Variants in HNRNPC observed in about 807,000 individuals in gnomAD.
HNRNPC encodes the protein heterogeneous nuclear ribonucleoprotein C, also known as heterogeneous nuclear ribonucleoproteins C1/C2.
Under a neutral mutation model 33.2 loss-of-function variants are expected in HNRNPC, and 3 were observed. The observed-to-expected ratio is 0.09, with a 90% CI of 0.04 to 0.23. The LOEUF (loss-of-function observed/expected upper bound fraction) is 0.23, where lower values mean the gene tolerates loss of function less well. Among genes scored for constraint, HNRNPC ranks in the 10% least tolerant of loss-of-function variants. The pLI, the probability that HNRNPC is intolerant of heterozygous loss-of-function variation, is 1.00. For missense variants in HNRNPC, 143 were observed against 366.7 expected (o/e 0.39, Z 4.98); for synonymous variants, 121 against 126.7 (o/e 0.96, Z 0.30).
chr14:21,252,793 A>C (rs1363726113), intron 2 of HNRNPC, among the ~76,000 whole-genome samples: 1 of 152,186 alleles, frequency 6.6e-6, no homozygotes, highest in Non-Finnish European at 1.5e-5. Context: ...ACAAACAAAA[A>C]GGCTGGCCAA....
At chr14:21,230,719 C>G (rs530443458) in intron 4 of HNRNPC, 1 of 492,176 alleles carries the variant, frequency 2.0e-6, no homozygotes, top group Non-Finnish European at 3.6e-6. Context: ...ATAAGTATTT[C>G]AGGTTATGCT....
chr14:21,256,366 T>C (rs1428258865), intron 2 of HNRNPC, among the ~76,000 whole-genome samples: 1 of 151,902 alleles, frequency 6.6e-6, no homozygotes, highest in African/African-American at 2.4e-5. Context: ...GGAGAACTGC[T>C]TGAACCCGGG....
intron 5 of HNRNPC, among the ~76,000 whole-genome samples, chr14:21,218,188 C>G (rs907631265): frequency 1.3e-5 from 2 of 152,078 alleles, no homozygotes; most frequent in African/African-American, 4.8e-5. Context: ...GTCATGAGCT[C>G]CTGGACCTCA....
intron 2 of HNRNPC, among the ~76,000 whole-genome samples, chr14:21,250,363 G>A (rs1002207637): frequency 5.9e-5 from 9 of 152,142 alleles, no homozygotes; most frequent in African/African-American, 1.9e-4. Flanking sequence ...GGCAATCCTG[G>A]TGGAAGGTAT....
intron 1 of HNRNPC, among the ~76,000 whole-genome samples, chr14:21,266,228 G>A (rs539714297): frequency 8.5e-5 from 13 of 152,084 alleles, no homozygotes; most frequent in Non-Finnish European, 8.8e-5. Context: ...TCAGCCTCCC[G>A]AGTAGCTGGG....
rs755824099 is a variant in HNRNPC at position 21,211,524 on chromosome 14, C to A, written c.680G>T (p.Ser227Ile). ...ATTAGTCTCATCTTTCTTCACGGAG[C>A]TGCTGCTCTGCTCCTCTTCTGACTT... Reference protein sequence around the residue: ...NDKSEEEQSSSSVKKDETNVK... With the variant: ...NDKSEEEQSSISVKKDETNVK... Residue 227 changes from serine to isoleucine, a missense_variant, in exon 8 of 9, where the codon AGC becomes ATC. Coordinates refer to ENST00000553300, the MANE Select transcript of HNRNPC (RefSeq NM_004500.4). The A allele has an allele frequency of 2.2e-5, 36 of 1,612,268 alleles. No homozygotes were observed. The highest frequency in any genetic ancestry group is 2.8e-5 in the Non-Finnish European group (33 of 1,179,312).
intron 1 of HNRNPC, among the ~76,000 whole-genome samples, chr14:21,268,099 T>A (rs150402372): frequency 1.1e-3 from 161 of 152,294 alleles, no homozygotes; most frequent in Non-Finnish European, 1.2e-3. Flanking sequence ...AAAAATAAAC[T>A]TAGCCAAATC....
intron 2 of HNRNPC, among the ~76,000 whole-genome samples, chr14:21,257,095 C>A (rs560831786): frequency 2.2e-3 from 342 of 152,296 alleles, no homozygotes; most frequent in Non-Finnish European, 4.2e-3. Context: ...GAGGCATGAA[C>A]ATCAGGAGCA....
chr14:21,258,126 C>A (rs1425180924), intron 2 of HNRNPC, among the ~76,000 whole-genome samples: 1 of 152,182 alleles, frequency 6.6e-6, no homozygotes, highest in African/African-American at 2.4e-5. Context: ...GACACAGTGG[C>A]TCACGCCTGT....
At chr14:21,237,921 G>A (rs1388274740) in intron 2 of HNRNPC, among the ~76,000 whole-genome samples, 6 of 152,240 alleles carry the variant, frequency 3.9e-5, no homozygotes, top group South Asian at 2.1e-4. Flanking sequence ...ACAGGCATGC[G>A]CCACCAGGCC....
intron 2 of HNRNPC, among the ~76,000 whole-genome samples, chr14:21,259,474 C>A (rs992882864): frequency 1.1e-4 from 16 of 152,194 alleles, no homozygotes. Flanking sequence ...CTTAATAAAA[C>A]ATCTTATACT....
At chr14:21,226,665 A>T (rs940422174) in intron 5 of HNRNPC, among the ~76,000 whole-genome samples, 1 of 152,108 alleles carries the variant, frequency 6.6e-6, no homozygotes, top group African/African-American at 2.4e-5. Context: ...GGACCACCTG[A>T]GGTCAAGAGG....
chr14:21,225,185 G>A (rs981968206), intron 5 of HNRNPC, among the ~76,000 whole-genome samples: 5 of 151,722 alleles, frequency 3.3e-5, no homozygotes, highest in Non-Finnish European at 7.4e-5. Context: ...CTTTGGGAGG[G>A]CGAGGTGGGC....
chr14:21,264,844 A>G (rs533005746), intron 1 of HNRNPC: 13 of 152,300 alleles, frequency 8.5e-5, no homozygotes, highest in African/African-American at 2.9e-4. Context: ...CCTGGGAAAC[A>G]TGACGAGACT....
intron 2 of HNRNPC, among the ~76,000 whole-genome samples, chr14:21,261,404 ACT>A (rs1878232291): frequency 6.6e-6 from 1 of 152,142 alleles, no homozygotes; most frequent in South Asian, 2.1e-4. Flanking sequence ...CATCAATAAA[ACT>A]TGCACTTATT....
In HNRNPC at chr14:21,232,581, T is replaced by C. The variant is rs552411848; in HGVS notation, c.241+1372A>G. ...TGGCTTTTCACGGTGTTAGCCAGGA[T>C]GGTCTCCATCTCCTGACCTCATGGC... On this transcript the variant is annotated intron_variant, in intron 3 of 8. Transcript: ENST00000553300. Among the ~76,000 whole-genome samples, 28 of 152,300 alleles carry C rather than the reference T, an allele frequency of 1.8e-4. No homozygotes were observed. In the East Asian group the frequency reaches 3.7e-3, roughly 20 times the overall value.
chr14:21,232,966 G>A (rs1293328537), intron 3 of HNRNPC, among the ~76,000 whole-genome samples: 1 of 152,168 alleles, frequency 6.6e-6, no homozygotes, highest in East Asian at 1.9e-4. Context: ...GAACCCGGGA[G>A]GCTGAGGTTA....
At chr14:21,232,752 C>A (rs1894252997) in intron 3 of HNRNPC, among the ~76,000 whole-genome samples, 1 of 152,156 alleles carries the variant, frequency 6.6e-6, no homozygotes. Context: ...AAAACTGACT[C>A]AGGCCAGGTC....
At chr14:21,241,044 G>A (rs370844185) in intron 2 of HNRNPC, among the ~76,000 whole-genome samples, 58 of 152,218 alleles carry the variant, frequency 3.8e-4, no homozygotes, top group African/African-American at 1.3e-3. Flanking sequence ...GCCGAGGTGG[G>A]TAGATCATGA....
Sources: gnomAD v4.1 joint callset for allele counts (sites outside exome capture counted in the v4.1 genomes callset) on GRCh38, gnomAD v4.1.1 for gene constraint, MANE v1.5 for transcripts, NCBI Gene and HGNC (gene_info 2026-07-23, HGNC 2026-07-21) for gene names.